Variants in CCSER1 observed in about 807,000 individuals in gnomAD.
The protein encoded by CCSER1 is coiled-coil serine rich protein 1.
A neutral mutation model predicts 82.0 loss-of-function variants in CCSER1; 41 were observed. The observed-to-expected ratio is 0.50, with a 90% CI of 0.39 to 0.65. The LOEUF (loss-of-function observed/expected upper bound fraction) is 0.65. Ranked by LOEUF, CCSER1 falls within the 30% of genes least tolerant of loss-of-function variation. The pLI, the probability that CCSER1 is intolerant of heterozygous loss-of-function variation, is 0.00. For synonymous variants in CCSER1, 414 were observed against 383.9 expected, an observed-to-expected ratio of 1.08 and a Z score of -0.92; for missense variants, 1,119 against 1,064.2, an observed-to-expected ratio of 1.05 and a Z score of -0.72.
chr4:90,949,829 A>G (rs115912636), intron 9 of CCSER1, among the ~76,000 whole-genome samples: 3,168 of 152,214 alleles, frequency 0.021, 65 homozygotes, highest in Admixed American at 0.031. Context: ...GAGCATTTAT[A>G]TCTCATTTAA....
chr4:91,382,142 T>C (rs976325454), intron 10 of CCSER1, among the ~76,000 whole-genome samples: 28 of 152,190 alleles, frequency 1.8e-4, no homozygotes, highest in Non-Finnish European at 2.2e-4. Flanking sequence ...TGTACCCAGC[T>C]GTGTTCGGTG....
At chr4:90,881,016 A>G (rs960698388) in intron 8 of CCSER1, among the ~76,000 whole-genome samples, 2 of 150,534 alleles carry the variant, frequency 1.3e-5, no homozygotes, top group Admixed American at 6.7e-5. Flanking sequence ...AGCTGCTTCT[A>G]GTCGACCATC....
chr4:91,040,945 A>G (rs968507887), intron 9 of CCSER1, among the ~76,000 whole-genome samples: 3 of 152,312 alleles, frequency 2.0e-5, no homozygotes, highest in Admixed American at 2.0e-4. Flanking sequence ...AAAGATGATG[A>G]AACTTAGCAA....
At chr4:90,775,840 G>A (rs1213585296) in intron 7 of CCSER1, among the ~76,000 whole-genome samples, 1 of 151,790 alleles carries the variant, frequency 6.6e-6, no homozygotes, top group African/African-American at 2.4e-5. Context: ...CACTTTGGTA[G>A]GTAGAGGTTT....
chr4:90,348,538 G>T (rs913794330), intron 3 of CCSER1, among the ~76,000 whole-genome samples: 5 of 151,886 alleles, frequency 3.3e-5, no homozygotes, highest in African/African-American at 1.2e-4. Context: ...ACATTGTATT[G>T]CACATAGTAC....
chr4:91,000,691 G>T (rs1490014849), intron 9 of CCSER1, among the ~76,000 whole-genome samples: 3 of 152,022 alleles, frequency 2.0e-5, no homozygotes, highest in Non-Finnish European at 4.4e-5. Context: ...TGTAGCATTT[G>T]TAAATGGGAT....
chr4:91,320,687 A>G (rs1220697235), intron 10 of CCSER1, among the ~76,000 whole-genome samples: 1 of 152,068 alleles, frequency 6.6e-6, no homozygotes, highest in Non-Finnish European at 1.5e-5. Context: ...CTTTCTGTGC[A>G]CCAGTTACAG....
At chr4:91,165,337 GGGGT>G (rs1731922586) in intron 10 of CCSER1, among the ~76,000 whole-genome samples, 1 of 152,166 alleles carries the variant, frequency 6.6e-6, no homozygotes, top group African/African-American at 2.4e-5. Flanking sequence ...TTGTCCCAGA[GGGGT>G]GCCTGCCTGT....
rs1300747044 is a variant in CCSER1, at chr4:90,620,379, A to G, written c.1725-7646A>G. 2.0e-5 allele frequency among the ~76,000 whole-genome samples: 3 copies of G among 152,150 alleles called. No individual in the cohort carries two copies. The South Asian group carries it at 6.2e-4, about 32-fold the overall frequency. On this transcript the variant is annotated intron_variant, in intron 5 of 10. Coordinates refer to ENST00000509176, the MANE Select transcript of CCSER1 (RefSeq NM_001145065.2). ...TTAATTTAGGCTTGAGCTTTCCTAT[A>G]TATTAAATGGAGATATTATACATGA...
intron 8 of CCSER1, chr4:90,838,986 G>A (rs1580720032): frequency 1.9e-6 from 3 of 1,612,910 alleles, no homozygotes; most frequent in Non-Finnish European, 1.7e-6. Context: ...GTCTTCTTCA[G>A]TTTCGGCTTA....
At chr4:90,885,800 TCTG>T in intron 8 of CCSER1, among the ~76,000 whole-genome samples, 1 of 152,186 alleles carries the variant, frequency 6.6e-6, no homozygotes, top group East Asian at 1.9e-4. Context: ...TTACAGCAAA[TCTG>T]CCAAATTAGG....
chr4:90,594,270 G>A (rs1393421222), intron 5 of CCSER1, among the ~76,000 whole-genome samples: 2 of 152,024 alleles, frequency 1.3e-5, no homozygotes, highest in East Asian at 1.9e-4. Context: ...ATCTCCCCAC[G>A]TGTTCTCTCA....
chr4:91,145,104 G>A (rs921783433), intron 10 of CCSER1, among the ~76,000 whole-genome samples: 1 of 152,014 alleles, frequency 6.6e-6, no homozygotes, highest in Admixed American at 6.6e-5. Flanking sequence ...TCTTTTTGTA[G>A]GTCTGGAAAT....
intron 6 of CCSER1, among the ~76,000 whole-genome samples, chr4:90,701,558 CTATAAATTACCTTGGGCAG>C (rs1268492033): frequency 1.3e-5 from 2 of 152,152 alleles, no homozygotes; most frequent in African/African-American, 4.8e-5. Context: ...GGCATTGAAT[CTATAAATTACCTTGGGCAG>C]TATGGCCATT....
chr4:90,621,917 T>C (rs1340794721), intron 5 of CCSER1, among the ~76,000 whole-genome samples: 1 of 152,208 alleles, frequency 6.6e-6, no homozygotes, highest in Non-Finnish European at 1.5e-5. Context: ...TTTAGAAACC[T>C]CATGCAAGTT....
chr4:90,646,056 AT>A (rs1042977767), intron 6 of CCSER1, among the ~76,000 whole-genome samples: 5 of 151,622 alleles, frequency 3.3e-5, no homozygotes, highest in African/African-American at 9.7e-5. Flanking sequence ...AGAGGAAACA[AT>A]TTTTTTTTGG....
chr4:90,920,171 C>T (rs1038481323), intron 8 of CCSER1, among the ~76,000 whole-genome samples: 21 of 151,828 alleles, frequency 1.4e-4, no homozygotes, highest in Non-Finnish European at 2.5e-4. Context: ...CACACTTCCG[C>T]GGTTTGTCTT....
intron 10 of CCSER1, among the ~76,000 whole-genome samples, chr4:91,196,409 C>G (rs1272567384): frequency 6.6e-6 from 1 of 151,786 alleles, no homozygotes; most frequent in African/African-American, 2.4e-5. Flanking sequence ...TTAAACAAAA[C>G]AGAACACCAC....
At chr4:91,308,761 C>T (rs1439365612) in intron 10 of CCSER1, among the ~76,000 whole-genome samples, 2 of 151,712 alleles carry the variant, frequency 1.3e-5, no homozygotes, top group African/African-American at 4.8e-5. Flanking sequence ...GGAATGTAGT[C>T]AACAGTAATG....
Sources: allele counts gnomAD v4.1 joint callset (sites outside exome capture counted in the v4.1 genomes callset), GRCh38; gene constraint gnomAD v4.1.1; transcripts MANE v1.5; gene names NCBI Gene and HGNC (gene_info 2026-07-23, HGNC 2026-07-21).